The following ABCA3 variants were observed in gnomAD, a reference collection of about 807,000 sequenced individuals.
The protein encoded by ABCA3 is phospholipid-transporting ATPase ABCA3.
Under a neutral mutation model 172.8 loss-of-function variants are expected in ABCA3, and 88 were observed. The ratio of observed to expected loss-of-function variants is 0.51; its 90% confidence interval spans 0.43 to 0.61. The LOEUF (loss-of-function observed/expected upper bound fraction) is 0.61. Ranked by LOEUF, ABCA3 falls within the 20% of genes least tolerant of loss-of-function variation. The pLI, the probability that ABCA3 is intolerant of heterozygous loss-of-function variation, is 0.00. For missense variants in ABCA3, 2,164 were observed against 2,301.0 expected (o/e 0.94, Z 1.22); for synonymous variants, 1,066 against 983.8 (o/e 1.08, Z -1.56).
In ABCA3 at chr16:2,319,655, G is replaced by C. The variant is rs1287712984; in HGVS notation, c.799C>G (p.Leu267Val). 2 of 1,613,868 alleles carry C rather than the reference G, an allele frequency of 1.2e-6. No individual in the cohort carries two copies. Among genetic ancestry groups the C allele is most frequent in the Non-Finnish European group, 1.7e-6 (2 of 1,180,020 alleles). Residue 267 changes from leucine (L) to valine (V), a missense_variant, in exon 8 of 33, where the codon CTG (leucine) becomes GTG (valine). Leu to Val is a conservative substitution (Grantham distance 32, BLOSUM62 1). Around this residue, in one of 3 missense-constraint regions of ABCA3, gnomAD observed 1,343 missense variants for 1,369.6 expected, o/e 0.98. Coordinates refer to ENST00000301732, the MANE Select transcript of ABCA3 (RefSeq NM_001089.3). ...VAIQYQLPLL[L>V]LLSFTYTALT... ...GCGGTGTAGGTGAAGCTGAGCAGCA[G>C]CAGCAGGGGCAGCTGGTACTGGATG...
At chr16:2,339,543 G>A (rs115476416) in intron 1 of ABCA3, among the ~76,000 whole-genome samples, 3 of 152,152 alleles carry the variant, frequency 2.0e-5, no homozygotes, top group Non-Finnish European at 4.4e-5. Context: ...GTTTACAAAA[G>A]GCAGCGCCCA....
At chr16:2,314,366 G>A (rs1455712351) in intron 10 of ABCA3, among the ~76,000 whole-genome samples, 2 of 151,752 alleles carry the variant, frequency 1.3e-5, no homozygotes, top group East Asian at 3.9e-4. Context: ...GCCAGGCACA[G>A]CATATAAACA....
chr16:2,308,157 A>G (rs1272601313), intron 11 of ABCA3, among the ~76,000 whole-genome samples: 2 of 152,244 alleles, frequency 1.3e-5, no homozygotes, highest in Non-Finnish European at 2.9e-5. Context: ...TGTGGTGCCA[A>G]CGCTGCTGGA....
intron 12 of ABCA3, 62 bp downstream of exon 12, chr16:2,303,907 G>C: frequency 6.3e-7 from 1 of 1,582,704 alleles, no homozygotes; most frequent in Non-Finnish European, 8.7e-7. Flanking sequence ...CCCTGAGCAG[G>C]TACTGGGGAC....
At chr16:2,333,400 C>T (rs2093746490) in intron 1 of ABCA3, among the ~76,000 whole-genome samples, 1 of 152,222 alleles carries the variant, frequency 6.6e-6, no homozygotes, top group South Asian at 2.1e-4. Context: ...TGGCTCTGCT[C>T]GCTTTGCCAC....
intron 18 of ABCA3, among the ~76,000 whole-genome samples, chr16:2,295,357 G>A (rs955813598): frequency 1.3e-5 from 2 of 152,234 alleles, no homozygotes; most frequent in East Asian, 1.9e-4. Flanking sequence ...AGTCAGATAC[G>A]TGCTTCTCCT....
chr16:2,339,949 C>A (rs1344378218), intron 1 of ABCA3, among the ~76,000 whole-genome samples: 1 of 152,272 alleles, frequency 6.6e-6, no homozygotes, highest in African/African-American at 2.4e-5. Flanking sequence ...GCGACTGCCA[C>A]AAGCCCCTCC....
intron 5 of ABCA3, among the ~76,000 whole-genome samples, 186 bp downstream of exon 5, chr16:2,325,824 C>T (rs1442744686): frequency 6.6e-6 from 1 of 152,170 alleles, no homozygotes; most frequent in African/African-American, 2.4e-5. Context: ...CGCAGGCAGG[C>T]AGAGGTTTAA....
intron 7 of ABCA3, among the ~76,000 whole-genome samples, chr16:2,321,884 G>T (rs1191098028): frequency 6.6e-6 from 1 of 152,142 alleles, no homozygotes; most frequent in Non-Finnish European, 1.5e-5. Flanking sequence ...CAAGCCCCAT[G>T]AACTCAAACG....
At chr16:2,311,912 C>T (rs1172305866) in intron 10 of ABCA3, among the ~76,000 whole-genome samples, 1 of 152,198 alleles carries the variant, frequency 6.6e-6, no homozygotes, top group Non-Finnish European at 1.5e-5. Flanking sequence ...CCGCCTCAGT[C>T]TCCCAAAATG....
intron 19 of ABCA3, among the ~76,000 whole-genome samples, chr16:2,290,001 A>ACACACACACACACACACACACACACC (rs770697754): frequency 7.3e-6 from 1 of 137,120 alleles, no homozygotes; most frequent in African/African-American, 2.6e-5. Context: ...ACACACACAC[A>ACACACACACACACACACACACACACC]CCCCTTCCTA....
At chr16:2,293,022 C>G (rs935290896) in intron 18 of ABCA3, among the ~76,000 whole-genome samples, 3 of 152,144 alleles carry the variant, frequency 2.0e-5, no homozygotes, top group African/African-American at 7.2e-5. Context: ...GGGGCAGGGG[C>G]CACAGGAGGT....
intron 3 of ABCA3, among the ~76,000 whole-genome samples, chr16:2,327,730 T>G (rs1013286956): frequency 6.6e-6 from 1 of 151,574 alleles, no homozygotes; most frequent in Non-Finnish European, 1.5e-5. Context: ...CTTTTTTCTG[T>G]TTTTTTTGGA....
intron 5 of ABCA3, among the ~76,000 whole-genome samples, chr16:2,325,379 C>T (rs566653915): frequency 6.6e-6 from 1 of 152,246 alleles, no homozygotes; most frequent in African/African-American, 2.4e-5. Context: ...CCGGGGTCCT[C>T]ACAGCTCTGC....
At position 2,316,490 on chromosome 16, in the gene ABCA3, C is replaced by CAAAAAAAAA. The variant is rs71148128; in HGVS notation, c.1111+784_1111+792dup. On this transcript the variant is annotated intron_variant, in intron 10 of 32. Coordinates refer to ENST00000301732, the MANE Select transcript of ABCA3 (RefSeq NM_001089.3). Reference sequence around the variant, plus strand: ...CAAAACCCCGTCTCTACTAAAAATGCAAAAAAAAAAAAAAAAAAAAAAAAA... The same window carrying CAAAAAAAAA: ...CAAAACCCCGTCTCTACTAAAAATGCAAAAAAAAAAAAAAAAAAAAAAAAAAAAAAAAAA... Among the ~76,000 whole-genome samples the CAAAAAAAAA allele has an allele frequency of 3.0e-3, 86 of 28,872 alleles. 38 individuals carry two copies. Among genetic ancestry groups the CAAAAAAAAA allele is most frequent in the African/African-American group, 3.9e-3 (26 of 6,674 alleles). The allele number at this position is 28,872 out of a possible 152,430, so 18.9% of individuals were successfully genotyped here.
rs143947564 is a variant in ABCA3 at position 2,297,829 on chromosome 16, G to T, written c.1989C>A (p.Arg663=). 276 of 1,613,632 alleles carry T rather than the reference G, an allele frequency of 1.7e-4. No homozygotes were observed. The highest frequency in any genetic ancestry group is 2.2e-4 in the Non-Finnish European group (261 of 1,180,050). Residue 663 remains arginine, a synonymous_variant, in exon 16 of 33, where the codon CGC becomes CGA. Coordinates refer to ENST00000301732, the MANE Select transcript of ABCA3 (RefSeq NM_001089.3). This position sits in a 1 kb window ranked among gnomAD's most constrained non-coding sequence, Gnocchi z 5.6. ...TGCGCCTCATGCCCCCGCTCAGGAA[G>T]CGGCTCCGTGAGTTCCACTTGTCCT... ...GLEDKWNSRS[R]FLSGGMRRKL... is the part of the protein sequence containing the mutation.
At position 2,299,396 on chromosome 16, in the gene ABCA3, C is replaced by T. The variant is rs1484515947; in HGVS notation, c.1741+7G>A. On this transcript the variant is annotated splice_region_variant and intron_variant, in intron 14 of 32. Coordinates refer to ENST00000301732, the MANE Select transcript of ABCA3 (RefSeq NM_001089.3). ...GGTGGCAGGGGCGTGAGGCGCCTGG[C>T]CCTCACCTGTGAGCATGGAGAGGGT... The T allele has an allele frequency of 3.7e-6, 6 of 1,613,338 alleles. No homozygotes were observed. Among genetic ancestry groups the T allele is most frequent in the Non-Finnish European group, 3.4e-6 (4 of 1,179,918 alleles).
chr16:2,288,190 G>C lies in ABCA3; in HGVS notation c.2840C>G (p.Ser947Cys). 6.2e-7 allele frequency: 1 copy of C among 1,604,696 alleles called. No individual in the cohort carries two copies. The highest frequency in any genetic ancestry group is 8.5e-7 in the Non-Finnish European group (1 of 1,175,516). Residue 947 changes from serine to cysteine, a missense_variant, in exon 21 of 33, where the codon TCC becomes TGC. Physicochemically the swap from Ser to Cys is moderately radical, Grantham distance 112. Transcript: ENST00000301732. ...VTLALLAINYSSELFDDPMLR... is the reference protein window; with the variant it reads ...VTLALLAINYCSELFDDPMLR... ...CATGGGGTCGTCGAAGAGCTCCGAG[G>C]AGTAGTTGATGGCCAGGAGGGCCAG...
chr16:2,328,425 G>T (rs765013349), intron 3 of ABCA3, 28 bp downstream of exon 3: 1 of 473,440 alleles, frequency 2.1e-6, no homozygotes, highest in South Asian at 1.5e-5. Context: ...TTCATCTCAT[G>T]AACTTCAAGA....
Sources: gnomAD v4.1 joint callset for allele counts (sites outside exome capture counted in the v4.1 genomes callset) on GRCh38, gnomAD v4.1.1 for gene constraint, gnomAD v4.1.1 regional missense constraint, Gnocchi (gnomAD v3.1) non-coding constraint, MANE v1.5 for transcripts, NCBI Gene and HGNC (gene_info 2026-07-23, HGNC 2026-07-21) for gene names.